MYT1L: variants seen among roughly 807,000 people sequenced by gnomAD.
MYT1L encodes myelin transcription factor 1-like protein.
MYT1L carries 12 observed loss-of-function variants against 126.7 expected under a neutral mutation model. The observed-to-expected ratio is 0.09, with a 90% CI of 0.06 to 0.15. The LOEUF is 0.15. Among genes scored for constraint, MYT1L ranks in the 10% least tolerant of loss-of-function variants. The pLI is 1.00. For synonymous variants in MYT1L, 541 were observed against 604.2 expected, an observed-to-expected ratio of 0.90 and a Z score of 1.53; for missense variants, 979 against 1,585.2, an observed-to-expected ratio of 0.62 and a Z score of 6.49.
At chr2:2,166,711 TAAAG>T (rs1204932694) in intron 3 of MYT1L, among the ~76,000 whole-genome samples, 2 of 152,184 alleles carry the variant, frequency 1.3e-5, no homozygotes, top group Non-Finnish European at 2.9e-5. Flanking sequence ...CATTCAAAAA[TAAAG>T]AAACAAATTA....
intron 5 of MYT1L, among the ~76,000 whole-genome samples, chr2:1,993,742 C>T (rs775959438): frequency 1.1e-4 from 16 of 152,308 alleles, no homozygotes; most frequent in Middle Eastern, 3.4e-3. Context: ...AAACATTCCA[C>T]GCCCTTTTTA....
Position 2,069,985 on chromosome 2 carries a change from T to C in MYT1L, c.-303-15862A>G, listed in dbSNP as rs551998431. ...GACATTTATGCAGCCAACAAACATA[T>C]GAAAAAAAGCTCATCATCATTAGTC... On this transcript the variant is annotated intron_variant, in intron 3 of 24. Transcript: ENST00000647738. Among the ~76,000 whole-genome samples, 613 of 151,594 alleles carry C rather than the reference T, an allele frequency of 4.0e-3. 3 individuals are homozygous for C. Among genetic ancestry groups the C allele is most frequent in the Admixed American group, 6.0e-3 (92 of 15,220 alleles).
Position 1,979,170 on chromosome 2 carries a change from G to A in MYT1L, c.147C>T (p.His49=). ...AAAAAAAATGCAGGCATTACCTTCT[G>A]TGTCTTGCATATTTGCCACTGACAT... ...SGHVSGKYAR[H]RSVYGCPLAK... is the part of the protein sequence containing the mutation. The change falls in exon 8 of 25, where the codon CAC becomes CAT. Residue 49 remains histidine (H), a synonymous_variant. Transcript: ENST00000647738. This position sits in a 1 kb window ranked among gnomAD's most constrained non-coding sequence, Gnocchi z 4.0. 1 of 1,613,142 alleles carries A rather than the reference G, an allele frequency of 6.2e-7. No homozygotes were observed. The highest frequency in any genetic ancestry group is 1.1e-5 in the South Asian group (1 of 90,786).
intron 4 of MYT1L, among the ~76,000 whole-genome samples, chr2:2,033,501 C>G (rs1337319776): frequency 3.9e-5 from 6 of 152,214 alleles, no homozygotes; most frequent in Admixed American, 3.3e-4. Context: ...CAGGATGGGA[C>G]CTGGGGGCAC....
rs773769801 is a variant in MYT1L at position 1,839,364 on chromosome 2, C to T, written c.2865G>A (p.Pro955=). 21 of 1,612,430 alleles carry T rather than the reference C, an allele frequency of 1.3e-5. No homozygotes were observed. The highest frequency in any genetic ancestry group is 7.7e-5 in the South Asian group (7 of 91,040). Residue 955 remains proline, a synonymous_variant, in exon 21 of 25, where the codon CCG becomes CCA. Coordinates refer to ENST00000647738, the MANE Select transcript of MYT1L (RefSeq NM_001303052.2). ...GGCCCTGGCCGTCGCACCCGGGGAC[C>T]GGACACCTGTAGGCAGGCAGAGGTG... ...DKEDQEPIRC[P]VPGCDGQGHI...
Position 1,889,168 on chromosome 2 carries a change from A to G in MYT1L, c.2520+73T>C. On this transcript the variant is annotated intron_variant, in intron 16 of 24. Transcript: ENST00000647738. This position sits in a 1 kb window ranked among gnomAD's most constrained non-coding sequence, Gnocchi z 4.1. Reference sequence around the variant, plus strand: ...TATATTTTCTCATAACGTATGTGCAAATGGCTTTTCTTTCAGCTGGGGCCC... The same window carrying G: ...TATATTTTCTCATAACGTATGTGCAGATGGCTTTTCTTTCAGCTGGGGCCC... The G allele has an allele frequency of 1.7e-6, 2 of 1,158,476 alleles. No homozygotes were observed. The highest frequency in any genetic ancestry group is 2.5e-6 in the Non-Finnish European group (2 of 789,852). 71.8% of individuals were successfully genotyped at this position (1,158,476 alleles called of 1,614,324 possible).
chr2:2,172,385 C>T (rs911539859), intron 3 of MYT1L, among the ~76,000 whole-genome samples: 2 of 152,226 alleles, frequency 1.3e-5, no homozygotes, highest in Non-Finnish European at 2.9e-5. Flanking sequence ...CAAGGAGGCT[C>T]ACATCATTCC....
chr2:1,815,384 G>C (rs1389411020), intron 21 of MYT1L, among the ~76,000 whole-genome samples: 1 of 152,194 alleles, frequency 6.6e-6, no homozygotes, highest in African/African-American at 2.4e-5. Context: ...GTCATGAGGG[G>C]GTGCATTTGC....
chr2:2,086,407 T>A (rs182414004), intron 3 of MYT1L, among the ~76,000 whole-genome samples: 1 of 152,352 alleles, frequency 6.6e-6, no homozygotes, highest in African/African-American at 2.4e-5. Flanking sequence ...TACATAGTAG[T>A]TATGGAAGGC....
rs771357923 is a variant in MYT1L, at chr2:1,910,365, G to A, written c.1710-18C>T. 10 of 1,602,884 alleles carry A rather than the reference G, an allele frequency of 6.2e-6. No individual in the cohort carries two copies. Among genetic ancestry groups the A allele is most frequent in the Admixed American group, 3.3e-5 (2 of 59,970 alleles). ...CGGAGAGGCTGCAATCACAGAAAGC[G>A]GGTTGAATGGTCCCGCCTCAAACAC... On this transcript the variant is annotated intron_variant, in intron 12 of 24. Transcript: ENST00000647738. This position sits in a 1 kb window ranked among gnomAD's most constrained non-coding sequence, Gnocchi z 4.8.
rs973435127 is a variant in MYT1L at position 2,159,020 on chromosome 2, C to A, written c.-304+13852G>T. ...GCACTTGTAGGAGAAGAAGTCTAAC[C>A]TAACATCTAAAACACTCAGTGCATC... On this transcript the variant is annotated intron_variant, in intron 3 of 24. Coordinates refer to ENST00000647738, the MANE Select transcript of MYT1L (RefSeq NM_001303052.2). Among the ~76,000 whole-genome samples, 4 of 152,170 alleles carry A rather than the reference C, an allele frequency of 2.6e-5. No homozygotes were observed. In the South Asian group the frequency reaches 8.3e-4, roughly 31 times the overall value.
intron 1 of MYT1L, among the ~76,000 whole-genome samples, chr2:2,329,340 T>C (rs1349727040): frequency 1.3e-5 from 2 of 152,154 alleles, no homozygotes; most frequent in African/African-American, 2.4e-5. Flanking sequence ...TCAACTGTGC[T>C]ATCTCATAGG....
rs1365851081 is a variant in MYT1L, at chr2:1,819,634, T to C, written c.3081-10467A>G. ...CCAGTGCAGTTCGGGCAGAGGCCCCTGTGAATACACATGCCCTACAGGGAT... is the reference window on the plus strand; with the variant it reads ...CCAGTGCAGTTCGGGCAGAGGCCCCCGTGAATACACATGCCCTACAGGGAT... On this transcript the variant is annotated intron_variant, in intron 21 of 24. Coordinates refer to ENST00000647738, the MANE Select transcript of MYT1L (RefSeq NM_001303052.2). Among the ~76,000 whole-genome samples, 3 of 152,240 alleles carry C rather than the reference T, an allele frequency of 2.0e-5. No individual in the cohort carries two copies. The East Asian group carries it at 5.8e-4, about 29-fold the overall frequency.
intron 14 of MYT1L, among the ~76,000 whole-genome samples, chr2:1,894,926 C>T (rs184235366): frequency 3.6e-4 from 55 of 152,366 alleles, no homozygotes; most frequent in African/African-American, 1.3e-3. Flanking sequence ...TACCACATGC[C>T]TGCTTCACAG....
chr2:2,178,198 ATG>A (rs1377404018), intron 2 of MYT1L, among the ~76,000 whole-genome samples: 2 of 152,202 alleles, frequency 1.3e-5, no homozygotes, highest in South Asian at 2.1e-4. Flanking sequence ...TTCAAAAGAT[ATG>A]TGTCAATTAT....
intron 2 of MYT1L, among the ~76,000 whole-genome samples, chr2:2,217,684 AC>A (rs2093717990): frequency 6.1e-5 from 7 of 113,930 alleles, no homozygotes; most frequent in African/African-American, 1.7e-4. Flanking sequence ...AACAACAACA[AC>A]AACAACAACA....
chr2:1,794,027 T>C (rs1312276520), intron 23 of MYT1L, among the ~76,000 whole-genome samples: 3 of 152,106 alleles, frequency 2.0e-5, no homozygotes, highest in Non-Finnish European at 4.4e-5. Flanking sequence ...TAAGCAGACG[T>C]AGGTTTTCTA....
intron 18 of MYT1L, among the ~76,000 whole-genome samples, chr2:1,871,153 A>T (rs1463276859): frequency 6.6e-6 from 1 of 152,236 alleles, no homozygotes; most frequent in East Asian, 1.9e-4. Context: ...GTCTGCTAAC[A>T]CAGAAAGTCA....
intron 2 of MYT1L, among the ~76,000 whole-genome samples, chr2:2,265,283 C>T (rs910061242): frequency 6.6e-6 from 1 of 151,776 alleles, no homozygotes; most frequent in Non-Finnish European, 1.5e-5. Flanking sequence ...GTTGGGATTA[C>T]AGGCTTGAGC....
Sources: allele counts gnomAD v4.1 joint callset (sites outside exome capture counted in the v4.1 genomes callset), GRCh38; gene constraint gnomAD v4.1.1; non-coding constraint Gnocchi (gnomAD v3.1); transcripts MANE v1.5; gene names NCBI Gene and HGNC (gene_info 2026-07-23, HGNC 2026-07-21).